Variants in ZNF611 observed in about 807,000 individuals in gnomAD.
The protein encoded by ZNF611 is zinc finger protein 611.
ZNF611 carries 6 observed loss-of-function variants against 8.9 expected under a neutral mutation model. That is an observed-to-expected ratio of 0.68 (90% CI 0.37 to 1.34). The LOEUF (loss-of-function observed/expected upper bound fraction) is 1.34, where lower values mean the gene tolerates loss of function less well. Ranked by LOEUF, ZNF611 falls within the 40% of genes most tolerant of loss-of-function variation. ZNF611 has a pLI of 0.02. For synonymous variants in ZNF611, 262 were observed against 279.7 expected (o/e 0.94, Z 0.63); for missense variants, 874 against 841.3 (o/e 1.04, Z -0.48).
rs1195796955 is a variant in ZNF611, at chr19:52,704,060, CTGACCTCAAG to C, written c.*867_*876del. The C allele has an allele frequency of 4.9e-6, 1 of 202,458 alleles. No homozygotes were observed. The allele number at this position is 202,458 out of a possible 1,614,324, so 12.5% of individuals were successfully genotyped here. On this transcript the variant is annotated 3_prime_UTR_variant, in exon 6 of 6. Transcript: ENST00000652185. ...TGTTGGCCATGCTGGTTTCAAACTCCTGACCTCAAGTGACCTATGTGCCTTGGCCTCCCGA... is the reference window on the plus strand; with the variant it reads ...TGTTGGCCATGCTGGTTTCAAACTCCTGACCTATGTGCCTTGGCCTCCCGA...
intron 5 of ZNF611, among the ~76,000 whole-genome samples, chr19:52,713,433 A>G: frequency 6.6e-6 from 1 of 152,200 alleles, no homozygotes; most frequent in East Asian, 1.9e-4. Context: ...GACATGAACA[A>G]GAGTTCAGTC....
chr19:52,715,674 A>G (rs2062311889), intron 4 of ZNF611, among the ~76,000 whole-genome samples, 158 bp downstream of exon 4: 1 of 152,134 alleles, frequency 6.6e-6, no homozygotes, highest in Admixed American at 6.5e-5. Flanking sequence ...AGGAGATGGA[A>G]TCTCAGAGCA....
Position 52,705,533 on chromosome 19 carries a change from G to A in ZNF611, c.1522C>T (p.Gln508Ter), listed in dbSNP as rs1455365230. 1.2e-6 allele frequency: 2 copies of A among 1,612,498 alleles called. No homozygotes were observed. The highest frequency in any genetic ancestry group is 2.7e-5 in the African/African-American group (2 of 74,354). The stretch of plus-strand genomic sequence containing the variant: ...TCACATTCATCACATTTGTAAGGTT[G>A]CTCCCCAGTATGAATTGACTTATGA... ...LIHKSIHTGE[Q>*]PYKCDECEKV... The change falls in exon 6 of 6, where the codon CAA becomes TAA. Residue 508 changes from glutamine to a stop codon, truncating the protein, a stop_gained. Coordinates refer to ENST00000652185, the MANE Select transcript of ZNF611 (RefSeq NM_001161499.2). LOFTEE classifies it low-confidence loss of function (END_TRUNC).
At chr19:52,729,609 T>C (rs780148157) in intron 2 of ZNF611, among the ~76,000 whole-genome samples, 8 of 152,008 alleles carry the variant, frequency 5.3e-5, no homozygotes, top group Non-Finnish European at 7.4e-5. Flanking sequence ...CAGGCACTTA[T>C]TGAAATTAAC....
At chr19:52,721,088 C>G (rs375916211) in intron 3 of ZNF611, 8 of 153,894 alleles carry the variant, frequency 5.2e-5, no homozygotes, top group African/African-American at 2.0e-4. Context: ...GACGGGGCGG[C>G]CAGGAAGAGA....
chr19:52,734,657 A>C (rs918028751), intron 1 of ZNF611, among the ~76,000 whole-genome samples: 1 of 151,502 alleles, frequency 6.6e-6, no homozygotes, highest in Admixed American at 6.6e-5. Flanking sequence ...GGGGCTGAGG[A>C]GGGGGAGGCT....
At chr19:52,729,434 A>G (rs1234974917) in intron 2 of ZNF611, among the ~76,000 whole-genome samples, 2 of 140,894 alleles carry the variant, frequency 1.4e-5, no homozygotes, top group Non-Finnish European at 3.1e-5. Context: ...GAAAGGTTGC[A>G]GGGAGCCAAG....
intron 3 of ZNF611, among the ~76,000 whole-genome samples, chr19:52,722,531 C>T (rs568909514): frequency 5.3e-5 from 8 of 152,132 alleles, no homozygotes; most frequent in African/African-American, 9.7e-5. Flanking sequence ...TCACTGCCCT[C>T]GGGCTGAATA....
chr19:52,733,142 T>TA (rs1390594339), intron 1 of ZNF611, among the ~76,000 whole-genome samples: 2 of 152,148 alleles, frequency 1.3e-5, no homozygotes, highest in African/African-American at 4.8e-5. Flanking sequence ...CCAAGATTTA[T>TA]AGAATGTACA....
In ZNF611 at chr19:52,732,660, C is replaced by T. The variant is rs148443329; in HGVS notation, c.-222+2341G>A. ...TATTGAGGGCTAAGTAGGCCAGACA[C>T]GGTGGCTCCTCCCTGTAATCCCACC... On this transcript the variant is annotated intron_variant, in intron 1 of 5. Coordinates refer to ENST00000652185, the MANE Select transcript of ZNF611 (RefSeq NM_001161499.2). Among the ~76,000 whole-genome samples the T allele has an allele frequency of 8.6e-5, 13 of 151,476 alleles. 1 individual carries two copies. The East Asian group carries it at 1.8e-3, about 20-fold the overall frequency.
rs2062246170 is a variant in ZNF611 at position 52,706,495 on chromosome 19, G to A, written c.560C>T (p.Ala187Val). Reference protein sequence around the residue: ...GNQLEKSTNDAPSVSTFQRIS... With the variant: ...GNQLEKSTNDVPSVSTFQRIS... ...TCTTTGGAATGTTGAAACTGAGGGA[G>A]CATCATTAGTAGACTTCTCAAGTTG... is the stretch of plus-strand genomic sequence containing the variant. Residue 187 changes from alanine to valine, a missense_variant, in exon 6 of 6, where the codon GCT becomes GTT. Coordinates refer to ENST00000652185, the MANE Select transcript of ZNF611 (RefSeq NM_001161499.2). The A allele has an allele frequency of 6.2e-7, 1 of 1,614,150 alleles. No homozygotes were observed. The highest frequency in any genetic ancestry group is 1.3e-5 in the African/African-American group (1 of 75,046).
intron 4 of ZNF611, among the ~76,000 whole-genome samples, chr19:52,714,479 A>T (rs1268319710): frequency 1.3e-5 from 2 of 151,902 alleles, no homozygotes; most frequent in African/African-American, 4.8e-5. Flanking sequence ...TTTGCGGTCA[A>T]GAGTTCGAGA....
At position 52,714,742 on chromosome 19, in the gene ZNF611, G is replaced by T. The variant is rs1463805887; in HGVS notation, c.64-601C>A. On this transcript the variant is annotated intron_variant, in intron 4 of 5. Coordinates refer to ENST00000652185, the MANE Select transcript of ZNF611 (RefSeq NM_001161499.2). ...CAATGCCGGGCAGTGACTGTCACCT[G>T]TAATCCCAGCACTTTGGGAGACCAA... 1.4e-4 allele frequency among the ~76,000 whole-genome samples: 17 copies of T among 120,310 alleles called. 8 individuals carry two copies. Among genetic ancestry groups the T allele is most frequent in the Non-Finnish European group, 2.2e-4 (13 of 59,586 alleles). 78.9% of individuals were successfully genotyped at this position (120,310 alleles called of 152,430 possible). A position where few individuals can be genotyped will look rare whatever the true frequency, so the allele number is the denominator to read the frequency against.
At chr19:52,731,828 G>A (rs563292858) in intron 1 of ZNF611, among the ~76,000 whole-genome samples, 5 of 152,162 alleles carry the variant, frequency 3.3e-5, no homozygotes, top group South Asian at 2.1e-4. Context: ...AAAATTAGCC[G>A]AGCGTGGTGG....
intron 3 of ZNF611, among the ~76,000 whole-genome samples, chr19:52,727,077 G>C (rs752451955): frequency 2.0e-5 from 3 of 151,946 alleles, no homozygotes; most frequent in Non-Finnish European, 4.4e-5. Flanking sequence ...TGTTGGCCAG[G>C]CTGGTCTAGA....
chr19:52,720,325 C>T (rs541066988), intron 3 of ZNF611, among the ~76,000 whole-genome samples: 8 of 152,360 alleles, frequency 5.3e-5, no homozygotes, highest in African/African-American at 1.9e-4. Flanking sequence ...TGGAAGATTG[C>T]ACAGCGGCCA....
At chr19:52,732,990 TAAC>T (rs1440612864) in intron 1 of ZNF611, among the ~76,000 whole-genome samples, 2 of 151,826 alleles carry the variant, frequency 1.3e-5, no homozygotes, top group African/African-American at 4.8e-5. Flanking sequence ...ATGTATTTTG[TAAC>T]AACAGACAGT....
intron 3 of ZNF611, among the ~76,000 whole-genome samples, chr19:52,726,722 GTTTTTTT>G (rs56146245): frequency 0.02 from 2,560 of 130,302 alleles, 79 homozygotes; most frequent in African/African-American, 0.066. Context: ...TCGGCCTTGT[GTTTTTTT>G]TTTTTTTTTT....
rs2062235165 is a variant in ZNF611, at chr19:52,705,524, T to C, written c.1531A>G (p.Lys511Glu). ...KSIHTGEQPY[K>E]CDECEKVFSR... is the part of the protein sequence containing the mutation. ...AAAACCTTTTCACATTCATCACATT[T>C]GTAAGGTTGCTCCCCAGTATGAATT... is the stretch of plus-strand genomic sequence containing the variant. Residue 511 changes from lysine (K) to glutamate (E), a missense_variant, in exon 6 of 6, where the codon AAA becomes GAA. Lys to Glu is a moderately conservative substitution (Grantham distance 56). Transcript: ENST00000652185. 5.6e-6 allele frequency: 9 copies of C among 1,614,052 alleles called. No individual in the cohort carries two copies. Among genetic ancestry groups the C allele is most frequent in the Non-Finnish European group, 7.6e-6 (9 of 1,180,024 alleles).
Sources: allele counts gnomAD v4.1 joint callset (sites outside exome capture counted in the v4.1 genomes callset), GRCh38; gene constraint gnomAD v4.1.1; transcripts MANE v1.5; gene names NCBI Gene and HGNC (gene_info 2026-07-23, HGNC 2026-07-21).